The following SLC35D1 variants were observed in gnomAD, a reference collection of about 807,000 sequenced individuals.
The protein encoded by SLC35D1 is solute carrier family 35 member D1.
SLC35D1 carries 31 observed loss-of-function variants against 46.7 expected under a neutral mutation model. That is an observed-to-expected ratio of 0.66 (90% CI 0.50 to 0.90). The LOEUF is 0.90. Ranked by LOEUF, SLC35D1 falls within the 40% of genes least tolerant of loss-of-function variation. The pLI is 0.00. For synonymous variants in SLC35D1, 195 were observed against 164.6 expected (o/e 1.18, Z -1.41); for missense variants, 397 against 426.2 (o/e 0.93, Z 0.60).
At chr1:67,030,051 A>G (rs1442651689) in intron 8 of SLC35D1, among the ~76,000 whole-genome samples, 2 of 151,888 alleles carry the variant, frequency 1.3e-5, no homozygotes, top group African/African-American at 4.8e-5. Context: ...ATAACCCAGT[A>G]AGCCATCAAT....
At chr1:67,042,163 G>T in intron 8 of SLC35D1, 73 bp downstream of exon 8, 1 of 1,362,774 alleles carries the variant, frequency 7.3e-7, no homozygotes, top group Non-Finnish European at 1.1e-6. Flanking sequence ...GAACAACAAA[G>T]CCTATCTTTT....
At chr1:66,986,728 G>T in the SLC35D1 span, 4 of 345,806 alleles carry the variant, frequency 1.2e-5, no homozygotes, top group East Asian at 1.8e-4. Context: ...GTTTTGGGTG[G>T]AAGTGTTGAG....
the SLC35D1 span, among the ~76,000 whole-genome samples, chr1:66,980,006 C>T: frequency 6.6e-6 from 1 of 152,172 alleles, no homozygotes; most frequent in African/African-American, 2.4e-5. Flanking sequence ...TCAGGTGATC[C>T]ACCTGCCTCG....
chr1:66,974,177 T>C, the SLC35D1 span, among the ~76,000 whole-genome samples: 1 of 152,128 alleles, frequency 6.6e-6, no homozygotes, highest in Non-Finnish European at 1.5e-5. Context: ...TGTTGAATGT[T>C]GGCAGTTTAC....
Position 67,047,315 on chromosome 1 carries a change from C to T in SLC35D1, c.586G>A (p.Val196Ile), listed in dbSNP as rs148581417. The T allele has an allele frequency of 2.7e-4, 443 of 1,613,368 alleles. No individual in the cohort carries two copies. Among genetic ancestry groups the T allele is most frequent in the Admixed American group, 4.7e-4 (28 of 60,004 alleles). Residue 196 changes from valine to isoleucine, a missense_variant, in exon 7 of 12, where the codon GTC (valine) becomes ATC (isoleucine). Transcript: ENST00000235345. Reference protein sequence around the residue: ...EGYAFILINDVLTAANGAYVK... With the variant: ...EGYAFILINDILTAANGAYVK... ...TATGCACCATTTGCTGCTGTTAGGA[C>T]ATCGTTTATCAGAATAAAAGCATAT...
At chr1:67,014,733 T>G (rs1372571610) in intron 10 of SLC35D1, among the ~76,000 whole-genome samples, 1 of 140,744 alleles carries the variant, frequency 7.1e-6, no homozygotes, top group Non-Finnish European at 1.5e-5. Context: ...CTGTCTCTAC[T>G]AAATGTTGTA....
At chr1:67,014,756 T>G (rs1160344689) in intron 10 of SLC35D1, among the ~76,000 whole-genome samples, 1 of 126,488 alleles carries the variant, frequency 7.9e-6, no homozygotes, top group African/African-American at 3.0e-5. Context: ...GTCACAGAAC[T>G]GTTACTTCTA....
intron 4 of SLC35D1, among the ~76,000 whole-genome samples, chr1:67,051,042 T>C (rs1415480157): frequency 6.6e-6 from 1 of 152,056 alleles, no homozygotes; most frequent in Admixed American, 6.5e-5. Flanking sequence ...CAATCAAAGA[T>C]AGGTGTGAAT....
intron 11 of SLC35D1, among the ~76,000 whole-genome samples, chr1:67,008,649 A>G (rs1000897962): frequency 6.6e-6 from 1 of 152,184 alleles, no homozygotes; most frequent in Non-Finnish European, 1.5e-5. Flanking sequence ...ACAGTCATGG[A>G]CATATTCATT....
At chr1:66,986,686 CTGT>C in the SLC35D1 span, 1 of 489,068 alleles carries the variant, frequency 2.0e-6, no homozygotes, top group Non-Finnish European at 3.6e-6. Context: ...TGTACATTCA[CTGT>C]TGTTACATAC....
intron 10 of SLC35D1, among the ~76,000 whole-genome samples, chr1:67,010,937 C>T (rs1365291887): frequency 6.6e-6 from 1 of 152,108 alleles, no homozygotes; most frequent in East Asian, 1.9e-4. Flanking sequence ...CAGGCCTCCC[C>T]TTGTCCAGAT....
At chr1:67,009,407 A>G (rs1229020515) in intron 10 of SLC35D1, among the ~76,000 whole-genome samples, 1 of 152,236 alleles carries the variant, frequency 6.6e-6, no homozygotes, top group Non-Finnish European at 1.5e-5. Flanking sequence ...ACTGAAGAAT[A>G]CTACCAACAG....
At chr1:67,050,552 T>C in intron 4 of SLC35D1, 48 bp from the exon 5 acceptor site, 1 of 1,497,382 alleles carries the variant, frequency 6.7e-7, no homozygotes, top group Middle Eastern at 2.0e-4. Flanking sequence ...AACAATTTGT[T>C]TTAAACTAAG....
rs184346351 is a variant in SLC35D1, at chr1:67,018,039, C to T, written c.876+2330G>A. On this transcript the variant is annotated intron_variant, in intron 10 of 11. Coordinates refer to ENST00000235345, the MANE Select transcript of SLC35D1 (RefSeq NM_015139.3). ...TTTATCTGACTTATTTCTCACAGGC[C>T]TCTAGATTAGGCCTATGAGACACAA... 4.4e-3 allele frequency among the ~76,000 whole-genome samples: 670 copies of T among 152,092 alleles called. 7 individuals are homozygous for T. The highest frequency in any genetic ancestry group is 0.015 in the African/African-American group (638 of 41,464).
chr1:67,031,257 G>A (rs371898208), intron 8 of SLC35D1, among the ~76,000 whole-genome samples: 4 of 151,890 alleles, frequency 2.6e-5, no homozygotes, highest in Non-Finnish European at 5.9e-5. Context: ...GCACAAGCAC[G>A]CTGTTGCATT....
At chr1:66,993,766 C>A in the SLC35D1 span, among the ~76,000 whole-genome samples, 1 of 152,110 alleles carries the variant, frequency 6.6e-6, no homozygotes, top group Non-Finnish European at 1.5e-5. Context: ...TGTGTCAATA[C>A]ACAAGGTGCT....
chr1:67,016,058 T>A (rs572605510), intron 10 of SLC35D1, among the ~76,000 whole-genome samples: 1 of 152,092 alleles, frequency 6.6e-6, no homozygotes, highest in African/African-American at 2.4e-5. Context: ...TTATTTAGTA[T>A]GTTAAAATCA....
the SLC35D1 span, among the ~76,000 whole-genome samples, chr1:66,983,914 C>T: frequency 1.3e-5 from 2 of 152,148 alleles, no homozygotes; most frequent in African/African-American, 4.8e-5. Context: ...TTAGTAGAGA[C>T]AAGTTTTCAC....
intron 7 of SLC35D1, among the ~76,000 whole-genome samples, chr1:67,044,170 T>C (rs1230014434): frequency 6.6e-6 from 1 of 152,018 alleles, no homozygotes; most frequent in Non-Finnish European, 1.5e-5. Flanking sequence ...ACCCCGTCTC[T>C]ACTAAAAATA....
Sources: allele counts gnomAD v4.1 joint callset (sites outside exome capture counted in the v4.1 genomes callset), GRCh38; gene constraint gnomAD v4.1.1; transcripts MANE v1.5; gene names NCBI Gene and HGNC (gene_info 2026-07-23, HGNC 2026-07-21).